The following RANBP2 variants were observed in gnomAD, a reference collection of about 807,000 sequenced individuals.
The protein encoded by RANBP2 is RAN binding protein 2.
Under a neutral mutation model 303.6 loss-of-function variants are expected in RANBP2, and 57 were observed. That is an observed-to-expected ratio of 0.19 (90% confidence interval 0.15 to 0.23). The LOEUF (loss-of-function observed/expected upper bound fraction) is 0.23, where lower values mean the gene tolerates loss of function less well. Ranked by LOEUF, RANBP2 falls within the 10% of genes least tolerant of loss-of-function variation. The probability of loss-of-function intolerance (pLI) is 1.00; values close to 1 mark genes in which losing one functional copy is unlikely to be tolerated. For missense variants in RANBP2, 3,138 were observed against 3,780.8 expected (o/e 0.83, Z 4.46); for synonymous variants, 1,167 against 1,301.5 (o/e 0.90, Z 2.23).
chr2:108,864,608 T>C, the RANBP2 span, among the ~76,000 whole-genome samples: 13 of 152,068 alleles, frequency 8.5e-5, no homozygotes, highest in Non-Finnish European at 1.8e-4. Flanking sequence ...GCAGCCTGGC[T>C]AACATGGTGA....
At chr2:109,636,154 C>G in the RANBP2 span, among the ~76,000 whole-genome samples, 1 of 152,202 alleles carries the variant, frequency 6.6e-6, no homozygotes, top group Non-Finnish European at 1.5e-5. Context: ...TCTTGGACTT[C>G]CAGCCTCCAA....
At chr2:109,706,856 C>T in the RANBP2 span, among the ~76,000 whole-genome samples, 1 of 152,286 alleles carries the variant, frequency 6.6e-6, no homozygotes, top group African/African-American at 2.4e-5. Flanking sequence ...GGTTGCCCCT[C>T]ACTTTCCACA....
the RANBP2 span, among the ~76,000 whole-genome samples, chr2:109,329,419 A>G: frequency 1.8e-4 from 27 of 152,318 alleles, no homozygotes; most frequent in East Asian, 4.6e-3. Context: ...ATTCACCAAG[A>G]CTTTTTCAAT....
the RANBP2 span, among the ~76,000 whole-genome samples, chr2:108,925,267 C>G: frequency 6.6e-6 from 1 of 152,240 alleles, no homozygotes; most frequent in Non-Finnish European, 1.5e-5. Flanking sequence ...TGAATGACAC[C>G]AAGTTCTTCT....
At chr2:109,666,366 A>C in the RANBP2 span, among the ~76,000 whole-genome samples, 2 of 152,190 alleles carry the variant, frequency 1.3e-5, no homozygotes, top group Admixed American at 1.3e-4. Flanking sequence ...ATGTGTTCCT[A>C]AACAGATAAT....
chr2:109,294,580 A>C, the RANBP2 span, among the ~76,000 whole-genome samples: 1 of 112,210 alleles, frequency 8.9e-6, no homozygotes, highest in South Asian at 3.0e-4. Flanking sequence ...AAATTAATTA[A>C]AAAAAAGGTA....
At chr2:109,428,255 G>C in the RANBP2 span, among the ~76,000 whole-genome samples, 1 of 152,262 alleles carries the variant, frequency 6.6e-6, no homozygotes, top group Non-Finnish European at 1.5e-5. Flanking sequence ...ATCTAGAGGA[G>C]AAAGGGGATG....
At chr2:109,636,519 T>G in the RANBP2 span, among the ~76,000 whole-genome samples, 1 of 152,138 alleles carries the variant, frequency 6.6e-6, no homozygotes, top group African/African-American at 2.4e-5. Flanking sequence ...ACAGAGAGAC[T>G]GTGGAGCTCT....
chr2:109,216,545 G>A, the RANBP2 span, among the ~76,000 whole-genome samples: 1 of 152,222 alleles, frequency 6.6e-6, no homozygotes, highest in African/African-American at 2.4e-5. Flanking sequence ...GATACAGAAA[G>A]TCAGCAGAGA....
At chr2:109,433,044 G>A in the RANBP2 span, among the ~76,000 whole-genome samples, 2,434 of 152,294 alleles carry the variant, frequency 0.016, 53 homozygotes, top group African/African-American at 0.054. Context: ...GTGTGTGCAC[G>A]CTTCTGTGTG....
chr2:109,402,845 G>A, the RANBP2 span, among the ~76,000 whole-genome samples: 1 of 152,190 alleles, frequency 6.6e-6, no homozygotes, highest in African/African-American at 2.4e-5. Context: ...GTCCCTGGTA[G>A]TTATTGAATC....
the RANBP2 span, among the ~76,000 whole-genome samples, chr2:109,196,584 G>T: frequency 6.6e-6 from 1 of 152,200 alleles, no homozygotes; most frequent in African/African-American, 2.4e-5. Flanking sequence ...TACATCATGT[G>T]GCTGGATGTG....
At chr2:109,474,294 G>C in the RANBP2 span, among the ~76,000 whole-genome samples, 11 of 152,166 alleles carry the variant, frequency 7.2e-5, no homozygotes, top group African/African-American at 2.4e-4. Context: ...TTTTGAGCCG[G>C]ACAGTTAGTT....
the RANBP2 span, among the ~76,000 whole-genome samples, chr2:109,140,943 C>A: frequency 6.6e-6 from 1 of 152,186 alleles, no homozygotes; most frequent in African/African-American, 2.4e-5. Context: ...ACTTTCATAA[C>A]CCCCACCTTC....
the RANBP2 span, chr2:109,129,714 C>T: frequency 1.1e-3 from 1,626 of 1,537,260 alleles, 6 homozygotes; most frequent in South Asian, 3.8e-3. Flanking sequence ...TGGAGTGCTC[C>T]GTGTGTCTGG....
At chr2:109,016,964 G>A in the RANBP2 span, among the ~76,000 whole-genome samples, 22 of 152,352 alleles carry the variant, frequency 1.4e-4, no homozygotes, top group African/African-American at 4.8e-4. Context: ...AGGATGACTA[G>A]TCTGAGGTCT....
At chr2:108,774,651 C>A (rs765290757) in intron 23 of RANBP2, among the ~76,000 whole-genome samples, 1 of 150,240 alleles carries the variant, frequency 6.7e-6, no homozygotes, top group Non-Finnish European at 1.5e-5. Context: ...CTATTGATTT[C>A]TCTTCTTTAT....
chr2:109,640,250 G>A, the RANBP2 span, among the ~76,000 whole-genome samples: 1 of 151,542 alleles, frequency 6.6e-6, no homozygotes, highest in Non-Finnish European at 1.5e-5. Flanking sequence ...TCAGGAGTTT[G>A]AGACCAGTCG....
At chr2:109,486,823 C>T in the RANBP2 span, among the ~76,000 whole-genome samples, 1 of 152,210 alleles carries the variant, frequency 6.6e-6, no homozygotes, top group Non-Finnish European at 1.5e-5. Flanking sequence ...CAGCCCATCA[C>T]TTCCATGGAG....
Sources: allele counts gnomAD v4.1 joint callset (sites outside exome capture counted in the v4.1 genomes callset), GRCh38; gene constraint gnomAD v4.1.1; transcripts MANE v1.5; gene names NCBI Gene and HGNC (gene_info 2026-07-23, HGNC 2026-07-21).